The following DCLK1 variants were observed in gnomAD, a reference collection of about 807,000 sequenced individuals.
DCLK1 encodes serine/threonine-protein kinase DCLK1.
DCLK1 carries 16 observed loss-of-function variants against 86.2 expected under a neutral mutation model. That is an observed-to-expected ratio of 0.19 (90% CI 0.13 to 0.28). DCLK1 has a LOEUF of 0.28. DCLK1 is among the 10% of genes least tolerant of loss of function. The pLI is 1.00. For missense variants in DCLK1, 590 were observed against 940.2 expected (o/e 0.63, Z 4.87); for synonymous variants, 369 against 370.5 (o/e 1.00, Z 0.05).
At chr13:35,788,205 C>CTCAT in intron 16 of DCLK1, 1 of 1,613,768 alleles carries the variant, frequency 6.2e-7, no homozygotes, top group Non-Finnish European at 8.5e-7. Flanking sequence ...GCTGCACCAT[C>CTCAT]TCATACCTTA....
At chr13:35,954,805 T>C (rs1285725081) in intron 3 of DCLK1, among the ~76,000 whole-genome samples, 1 of 152,122 alleles carries the variant, frequency 6.6e-6, no homozygotes, top group Non-Finnish European at 1.5e-5. Flanking sequence ...AAGTACTCTT[T>C]ACAAGTTTAA....
intron 15 of DCLK1, among the ~76,000 whole-genome samples, chr13:35,796,350 GAT>G (rs1300073158): frequency 6.6e-6 from 1 of 152,166 alleles, no homozygotes; most frequent in African/African-American, 2.4e-5. Flanking sequence ...GTGGTCTTAG[GAT>G]AAGAAGCTAG....
intron 4 of DCLK1, among the ~76,000 whole-genome samples, chr13:35,922,593 G>A (rs569609920): frequency 8.5e-5 from 13 of 152,246 alleles, no homozygotes; most frequent in South Asian, 4.2e-4. Context: ...AAAGCACTGC[G>A]CAAACTGCAA....
In DCLK1 at chr13:35,872,659, C is replaced by A. The variant is rs372993612; in HGVS notation, c.824-1319G>T. ...TGGGTGCTCAAAAATATTTACCGACCCTTTTCTTTTTAAAAAATTATAAAT... is the reference window on the plus strand; with the variant it reads ...TGGGTGCTCAAAAATATTTACCGACACTTTTCTTTTTAAAAAATTATAAAT... On this transcript the variant is annotated intron_variant, in intron 4 of 16. Transcript: ENST00000360631. 5.9e-4 allele frequency among the ~76,000 whole-genome samples: 90 copies of A among 152,142 alleles called. 2 individuals carry two copies. In the South Asian group the frequency reaches 0.018, roughly 30 times the overall value.
intron 3 of DCLK1, among the ~76,000 whole-genome samples, chr13:35,952,707 C>T (rs1877765775): frequency 2.0e-5 from 3 of 152,158 alleles, no homozygotes; most frequent in South Asian, 2.1e-4. Context: ...ATTCTGTTGA[C>T]TAATTTTCAG....
chr13:35,886,007 CTTTTT>C (rs10589320), intron 4 of DCLK1, among the ~76,000 whole-genome samples: 2 of 130,716 alleles, frequency 1.5e-5, no homozygotes, highest in African/African-American at 3.0e-5. Context: ...GAATAGGTTC[CTTTTT>C]TTTTTTTTTT....
chr13:35,776,296 G>A (rs1369025426), intron 16 of DCLK1, among the ~76,000 whole-genome samples: 1 of 152,110 alleles, frequency 6.6e-6, no homozygotes, highest in Admixed American at 6.5e-5. Context: ...TTTGTGTAGA[G>A]TTGAATGTTT....
intron 8 of DCLK1, among the ~76,000 whole-genome samples, chr13:35,829,172 G>A (rs554687760): frequency 4.6e-5 from 7 of 152,232 alleles, no homozygotes; most frequent in African/African-American, 7.2e-5. Context: ...AGTGAACGCC[G>A]CCCCTCCTCT....
intron 4 of DCLK1, among the ~76,000 whole-genome samples, chr13:35,876,373 T>C (rs12184709): frequency 0.021 from 3,254 of 152,290 alleles, 149 homozygotes; most frequent in African/African-American, 0.073. Context: ...AACAGATTTA[T>C]AGTAACTACG....
chr13:36,046,551 C>T (rs1004602930), intron 3 of DCLK1, among the ~76,000 whole-genome samples: 6 of 152,176 alleles, frequency 3.9e-5, no homozygotes, highest in Non-Finnish European at 7.3e-5. Context: ...GCACAGAGCA[C>T]AGGAGGAATA....
intron 3 of DCLK1, among the ~76,000 whole-genome samples, chr13:35,998,785 C>T (rs1195106335): frequency 2.0e-5 from 3 of 152,114 alleles, no homozygotes; most frequent in Non-Finnish European, 2.9e-5. Flanking sequence ...GAGATGAGAA[C>T]GTACAATGCA....
chr13:36,031,342 C>T (rs963978853), intron 3 of DCLK1, among the ~76,000 whole-genome samples: 8 of 144,662 alleles, frequency 5.5e-5, no homozygotes, highest in Non-Finnish European at 1.1e-4. Context: ...CAAAAAAAGA[C>T]GAGCTTCAAA....
chr13:36,045,896 A>G (rs900682910), intron 3 of DCLK1, among the ~76,000 whole-genome samples: 15 of 152,118 alleles, frequency 9.9e-5, no homozygotes, highest in African/African-American at 3.6e-4. Context: ...TCAGTGCTCA[A>G]TAAAGGGTCC....
chr13:36,004,576 G>T (rs76098136), intron 3 of DCLK1, among the ~76,000 whole-genome samples: 132 of 152,180 alleles, frequency 8.7e-4, no homozygotes, highest in East Asian at 4.1e-3. Context: ...CAAGTTTTTT[G>T]TTGTTGTTGT....
At chr13:35,970,652 G>A (rs188866737) in intron 3 of DCLK1, among the ~76,000 whole-genome samples, 3 of 151,902 alleles carry the variant, frequency 2.0e-5, no homozygotes, top group Admixed American at 2.0e-4. Context: ...TGCCATCCTG[G>A]GAGTGGAAAC....
At chr13:35,803,143 T>C (rs1192102384) in intron 15 of DCLK1, among the ~76,000 whole-genome samples, 1 of 152,168 alleles carries the variant, frequency 6.6e-6, no homozygotes, top group Non-Finnish European at 1.5e-5. Flanking sequence ...TGGCTGCAAA[T>C]TCTGGCTCAA....
At chr13:35,877,887 G>A (rs1212652387) in intron 4 of DCLK1, among the ~76,000 whole-genome samples, 2 of 152,206 alleles carry the variant, frequency 1.3e-5, no homozygotes, top group African/African-American at 4.8e-5. Flanking sequence ...ATGGCACAAA[G>A]TCAATGACAA....
intron 6 of DCLK1, among the ~76,000 whole-genome samples, chr13:35,842,136 G>A (rs1869846285): frequency 6.7e-6 from 1 of 149,068 alleles, no homozygotes; most frequent in Admixed American, 6.9e-5. Context: ...GGCTGAGGCA[G>A]GAGAATGGCG....
At chr13:36,016,566 G>A (rs1381040984) in intron 3 of DCLK1, among the ~76,000 whole-genome samples, 1 of 152,044 alleles carries the variant, frequency 6.6e-6, no homozygotes. Context: ...TCTTTTATCT[G>A]GATTTCCTCT....
Sources: allele counts gnomAD v4.1 joint callset (sites outside exome capture counted in the v4.1 genomes callset), GRCh38; gene constraint gnomAD v4.1.1; transcripts MANE v1.5; gene names NCBI Gene and HGNC (gene_info 2026-07-23, HGNC 2026-07-21).